PIP5K1B: variants seen among roughly 807,000 people sequenced by gnomAD.
PIP5K1B encodes the protein phosphatidylinositol-4-phosphate 5-kinase type 1 beta.
Under a neutral mutation model 67.0 loss-of-function variants are expected in PIP5K1B, and 42 were observed. The ratio of observed to expected loss-of-function variants is 0.63; its 90% CI spans 0.49 to 0.81. The LOEUF (loss-of-function observed/expected upper bound fraction) is 0.81. PIP5K1B is among the 30% of genes least tolerant of loss of function. The pLI, the probability that PIP5K1B is intolerant of heterozygous loss-of-function variation, is 0.00. For synonymous variants in PIP5K1B, 214 were observed against 231.4 expected, an observed-to-expected ratio of 0.92 and a Z score of 0.68; for missense variants, 459 against 646.3, an observed-to-expected ratio of 0.71 and a Z score of 3.14.
At chr9:68,854,027 T>TTTTTTA (rs1822635378) in intron 4 of PIP5K1B, among the ~76,000 whole-genome samples, 1 of 147,872 alleles carries the variant, frequency 6.8e-6, no homozygotes, top group Non-Finnish European at 1.5e-5. Context: ...TATATAAGTT[T>TTTTTTA]TTATTATTAT....
At chr9:68,748,620 T>C (rs1375510396) in intron 2 of PIP5K1B, among the ~76,000 whole-genome samples, 2 of 101,930 alleles carry the variant, frequency 2.0e-5, no homozygotes, top group South Asian at 4.1e-4. Flanking sequence ...TTTCTTTTTT[T>C]TTTTTTTTTT....
At chr9:68,942,626 T>G (rs1827620800) in intron 14 of PIP5K1B, among the ~76,000 whole-genome samples, 1 of 152,184 alleles carries the variant, frequency 6.6e-6, no homozygotes, top group Non-Finnish European at 1.5e-5. Flanking sequence ...CACCTCCGCA[T>G]GCTCCCAGAG....
intron 9 of PIP5K1B, 144 bp from the exon 10 acceptor site, chr9:68,919,334 AC>A: frequency 1.8e-6 from 1 of 546,436 alleles, no homozygotes; most frequent in South Asian, 2.7e-5. Flanking sequence ...AAAGGAACAA[AC>A]AAAAAAAAAA....
intron 8 of PIP5K1B, among the ~76,000 whole-genome samples, chr9:68,913,487 C>G (rs184871593): frequency 1.3e-3 from 195 of 152,292 alleles, no homozygotes; most frequent in Non-Finnish European, 2.2e-3. Context: ...ATATGAGTAA[C>G]GGAACTATTT....
At chr9:68,977,655 C>CTTT (rs758854141) in intron 14 of PIP5K1B, among the ~76,000 whole-genome samples, 24 of 133,094 alleles carry the variant, frequency 1.8e-4, no homozygotes, top group Non-Finnish European at 3.6e-4. Context: ...TTATTGGCTT[C>CTTT]TTTTTTTTTT....
intron 8 of PIP5K1B, among the ~76,000 whole-genome samples, chr9:68,905,979 A>G (rs1825590466): frequency 6.6e-6 from 1 of 152,052 alleles, no homozygotes; most frequent in Non-Finnish European, 1.5e-5. Context: ...TGTCCCTTTG[A>G]TATCACCAGT....
chr9:68,793,907 G>A (rs1442920434), intron 2 of PIP5K1B, among the ~76,000 whole-genome samples: 3 of 152,148 alleles, frequency 2.0e-5, no homozygotes, highest in Admixed American at 2.0e-4. Context: ...GAACCTTGAA[G>A]CATTCTATAA....
intron 14 of PIP5K1B, among the ~76,000 whole-genome samples, chr9:68,943,183 C>G (rs1270016789): frequency 1.3e-5 from 2 of 152,194 alleles, no homozygotes; most frequent in East Asian, 3.8e-4. Flanking sequence ...GGCTCTGTTT[C>G]CTCCTGGCAT....
At chr9:68,822,400 T>C (rs975630333) in intron 3 of PIP5K1B, 5 of 469,632 alleles carry the variant, frequency 1.1e-5, no homozygotes, top group African/African-American at 2.0e-5. Flanking sequence ...GGATAAAATA[T>C]ATTACGAAAA....
rs1827072797 is a variant in PIP5K1B, at chr9:68,705,452, G to A, written c.-553G>A. The A allele has an allele frequency of 6.6e-6, 1 of 151,918 alleles. No homozygotes were observed. The highest frequency in any genetic ancestry group is 6.6e-5 in the Admixed American group (1 of 15,184). 9.4% of individuals were successfully genotyped at this position (151,918 alleles called of 1,614,324 possible). On this transcript the variant is annotated 5_prime_UTR_variant, in exon 1 of 16. Transcript: ENST00000265382. The stretch of plus-strand genomic sequence containing the variant: ...CCGGAGGACCGGCGGGGAAGGAAGG[G>A]GAAAGCGGGGACACACACACTCGCC...
intron 8 of PIP5K1B, among the ~76,000 whole-genome samples, chr9:68,897,924 C>T (rs1478591448): frequency 6.6e-6 from 1 of 152,192 alleles, no homozygotes; most frequent in Admixed American, 6.5e-5. Flanking sequence ...TCCCCATGGA[C>T]TGCTTCCCTG....
intron 1 of PIP5K1B, among the ~76,000 whole-genome samples, chr9:68,715,203 A>G (rs980775009): frequency 1.3e-5 from 2 of 152,220 alleles, no homozygotes; most frequent in Non-Finnish European, 2.9e-5. Flanking sequence ...GGTGCAGGAA[A>G]AACTTCCTGA....
At chr9:68,863,047 C>T (rs1444188807) in intron 4 of PIP5K1B, among the ~76,000 whole-genome samples, 3 of 152,098 alleles carry the variant, frequency 2.0e-5, no homozygotes, top group African/African-American at 7.2e-5. Context: ...ATCTTTATTA[C>T]ATCCATTCAT....
intron 1 of PIP5K1B, among the ~76,000 whole-genome samples, chr9:68,720,310 C>T (rs555824110): frequency 6.6e-6 from 1 of 152,280 alleles, no homozygotes; most frequent in Non-Finnish European, 1.5e-5. Context: ...TCTTCTGTCT[C>T]TTGCTTTTTG....
intron 1 of PIP5K1B, among the ~76,000 whole-genome samples, chr9:68,723,810 T>C (rs907923093): frequency 6.6e-6 from 1 of 151,484 alleles, no homozygotes; most frequent in Non-Finnish European, 1.5e-5. Context: ...TCTCCCATTC[T>C]TTAGGTTGTC....
intron 14 of PIP5K1B, among the ~76,000 whole-genome samples, chr9:68,983,510 T>C (rs1829976651): frequency 6.6e-6 from 1 of 151,712 alleles, no homozygotes; most frequent in Non-Finnish European, 1.5e-5. Flanking sequence ...ATATTTTAAA[T>C]ACTTATCTCA....
intron 6 of PIP5K1B, among the ~76,000 whole-genome samples, chr9:68,878,822 T>C (rs187339704): frequency 5.9e-4 from 90 of 152,330 alleles, no homozygotes; most frequent in Non-Finnish European, 1.0e-3. Context: ...GGTCTTCTTA[T>C]GAGCATGATG....
chr9:68,825,127 T>C (rs1384221137), intron 4 of PIP5K1B, among the ~76,000 whole-genome samples: 1 of 152,198 alleles, frequency 6.6e-6, no homozygotes, highest in Non-Finnish European at 1.5e-5. Flanking sequence ...CCTGGAGAAA[T>C]TCATAAAGAT....
Position 68,766,464 on chromosome 9 carries a change from T to C in PIP5K1B, c.-86+23807T>C, listed in dbSNP as rs1291020939. Among the ~76,000 whole-genome samples the C allele has an allele frequency of 2.0e-5, 3 of 152,122 alleles. No homozygotes were observed. In the East Asian group the frequency reaches 5.8e-4, roughly 29 times the overall value. On this transcript the variant is annotated intron_variant, in intron 2 of 15. Transcript: ENST00000265382. ...ACCTGCTTATCCCCTATTAGAAATA[T>C]GTATAAGAAGGTCATGGAATAGCCA...
Sources: gnomAD v4.1 joint callset for allele counts (sites outside exome capture counted in the v4.1 genomes callset) on GRCh38, gnomAD v4.1.1 for gene constraint, MANE v1.5 for transcripts, NCBI Gene and HGNC (gene_info 2026-07-23, HGNC 2026-07-21) for gene names.